RTN4: variants seen among roughly 807,000 people sequenced by gnomAD.
RTN4 encodes the protein reticulon 4.
In RTN4, 32 loss-of-function variants were observed where a neutral mutation model predicts 90.4. The observed-to-expected ratio is 0.35, with a 90% CI of 0.27 to 0.48. The LOEUF (loss-of-function observed/expected upper bound fraction) is 0.48, where lower values mean the gene tolerates loss of function less well. Ranked by LOEUF, RTN4 falls within the 20% of genes least tolerant of loss-of-function variation. The pLI is 0.99. For missense variants in RTN4, 1,706 were observed against 1,430.2 expected (o/e 1.19, Z -3.11); for synonymous variants, 629 against 552.5 (o/e 1.14, Z -1.94).
chr2:55,089,416 G>A (rs1455232047), intron 1 of RTN4, among the ~76,000 whole-genome samples: 1 of 152,178 alleles, frequency 6.6e-6, no homozygotes, highest in African/African-American at 2.4e-5. Context: ...TCTCTGTTCT[G>A]GTTTGAGGCC....
chr2:55,028,511 C>T (rs1682074423), intron 1 of RTN4, among the ~76,000 whole-genome samples: 1 of 152,160 alleles, frequency 6.6e-6, no homozygotes, highest in Non-Finnish European at 1.5e-5. Flanking sequence ...CTTTAAAATA[C>T]TGTTCTACTT....
intron 1 of RTN4, among the ~76,000 whole-genome samples, chr2:55,044,814 CACA>C (rs1293233509): frequency 1.0e-5 from 1 of 95,682 alleles, no homozygotes; most frequent in East Asian, 2.5e-4. Context: ...AAAAAAAGAC[CACA>C]AATTTGACAC....
chr2:55,063,758 G>A (rs1439053733), intron 2 of RTN4, among the ~76,000 whole-genome samples: 1 of 151,966 alleles, frequency 6.6e-6, no homozygotes, highest in Non-Finnish European at 1.5e-5. Context: ...GTGGGCGCCT[G>A]TAGTCCCACC....
At chr2:54,983,484 G>A (rs1017372002) in intron 4 of RTN4, among the ~76,000 whole-genome samples, 12 of 152,266 alleles carry the variant, frequency 7.9e-5, no homozygotes, top group Non-Finnish European at 1.3e-4. Context: ...CCTCGTATCT[G>A]TTGGAAGTAG....
At chr2:55,013,594 G>A (rs1434649651) in intron 3 of RTN4, among the ~76,000 whole-genome samples, 1 of 105,452 alleles carries the variant, frequency 9.5e-6, no homozygotes, top group African/African-American at 4.5e-5. Context: ...TATGTTTTTT[G>A]GTGGGTTTTT....
chr2:55,071,354 A>T (rs946777322), intron 2 of RTN4, among the ~76,000 whole-genome samples: 3 of 152,136 alleles, frequency 2.0e-5, no homozygotes, highest in African/African-American at 7.2e-5. Flanking sequence ...GATTATAAGG[A>T]AACAACGAAA....
upstream of RTN4, among the ~76,000 whole-genome samples, chr2:55,052,585 G>T (rs187384299): frequency 1.3e-5 from 2 of 152,182 alleles, no homozygotes; most frequent in African/African-American, 2.4e-5. Flanking sequence ...GAAGAGAGAT[G>T]TATTGATGTA....
intron 2 of RTN4, among the ~76,000 whole-genome samples, chr2:55,066,190 TGTTTGTG>T (rs1385166170): frequency 2.2e-4 from 29 of 133,814 alleles, no homozygotes; most frequent in South Asian, 1.2e-3. Context: ...TGTGTGTGTG[TGTTTGTG>T]TGTGTGTGTG....
At position 55,025,873 on chromosome 2, in the gene RTN4, A is replaced by C. The variant is rs1181419274; in HGVS notation, c.2226T>G (p.Ser742=). The stretch of plus-strand genomic sequence containing the variant: ...CATCACTAAATAAGTCAACTGGTTC[A>C]GAATCAGGTGAGGAATCTTCAACTA... The part of the protein sequence containing the change: ...SELVEDSSPD[S]EPVDLFSDDS... The change falls in exon 3 of 9, where the codon TCT becomes TCG. Residue 742 remains serine, a synonymous_variant. Coordinates refer to ENST00000337526, the MANE Select transcript of RTN4 (RefSeq NM_020532.5). 5.0e-6 allele frequency: 8 copies of C among 1,613,668 alleles called. No individual in the cohort carries two copies. The highest frequency in any genetic ancestry group is 6.8e-6 in the Non-Finnish European group (8 of 1,179,830).
chr2:55,120,048 C>T, the RTN4 span, among the ~76,000 whole-genome samples: 1 of 152,244 alleles, frequency 6.6e-6, no homozygotes, highest in African/African-American at 2.4e-5. Flanking sequence ...TCGCTGTGGG[C>T]TGCGTGAGGC....
At chr2:55,013,703 G>C (rs1446391255) in intron 3 of RTN4, among the ~76,000 whole-genome samples, 1 of 151,940 alleles carries the variant, frequency 6.6e-6, no homozygotes, top group Admixed American at 6.6e-5. Context: ...GGCAGCACTA[G>C]GCAAGGTGTT....
chr2:55,037,033 A>G (rs544987265), intron 1 of RTN4, among the ~76,000 whole-genome samples: 2 of 152,254 alleles, frequency 1.3e-5, no homozygotes, highest in Admixed American at 6.5e-5. Context: ...TAGTGAATTT[A>G]TAAGGATACA....
intron 2 of RTN4, chr2:55,060,897 G>T (rs1008572224): frequency 2.6e-5 from 4 of 152,192 alleles, no homozygotes; most frequent in African/African-American, 9.7e-5. Context: ...TCCAGCTTGT[G>T]TGAGAGAGCA....
At chr2:55,029,984 CA>C (rs1682186672) in intron 1 of RTN4, among the ~76,000 whole-genome samples, 1 of 152,102 alleles carries the variant, frequency 6.6e-6, no homozygotes, top group Non-Finnish European at 1.5e-5. Flanking sequence ...ATTTGAGGGT[CA>C]AAGAGCAGAA....
the RTN4 span, among the ~76,000 whole-genome samples, chr2:55,120,653 T>G: frequency 1.3e-5 from 2 of 151,994 alleles, no homozygotes; most frequent in African/African-American, 4.8e-5. Flanking sequence ...CTCAAGCAAG[T>G]GAAAAAATGT....
intron 3 of RTN4, among the ~76,000 whole-genome samples, chr2:55,018,111 T>C (rs559094467): frequency 2.8e-4 from 43 of 152,316 alleles, no homozygotes; most frequent in African/African-American, 1.0e-3. Flanking sequence ...CTTGAAAAAG[T>C]TACTTAACAT....
At chr2:55,060,272 T>C (rs531064806) in intron 2 of RTN4, among the ~76,000 whole-genome samples, 1 of 152,352 alleles carries the variant, frequency 6.6e-6, no homozygotes, top group South Asian at 2.1e-4. Context: ...CAGTTAACAA[T>C]AGTATCTTGC....
intron 1 of RTN4, among the ~76,000 whole-genome samples, chr2:55,085,799 G>A (rs898181820): frequency 6.6e-6 from 1 of 152,050 alleles, no homozygotes; most frequent in African/African-American, 2.4e-5. Context: ...CCTTTCTAAC[G>A]TTAGGCCCAT....
chr2:55,020,107 T>A (rs1573397090), intron 3 of RTN4, among the ~76,000 whole-genome samples: 1 of 152,050 alleles, frequency 6.6e-6, no homozygotes, highest in African/African-American at 2.4e-5. Context: ...GAGTTAACAT[T>A]GTTAAAAAAT....
Sources: gnomAD v4.1 joint callset for allele counts (sites outside exome capture counted in the v4.1 genomes callset) on GRCh38, gnomAD v4.1.1 for gene constraint, MANE v1.5 for transcripts, NCBI Gene and HGNC (gene_info 2026-07-23, HGNC 2026-07-21) for gene names.